Variants in ADCY1 observed in about 807,000 individuals in gnomAD.
ADCY1 encodes the protein adenylate cyclase 1, also known as adenylate cyclase type 1.
ADCY1 carries 28 observed loss-of-function variants against 105.4 expected under a neutral mutation model. The observed-to-expected ratio is 0.27, with a 90% CI of 0.20 to 0.36. The LOEUF (loss-of-function observed/expected upper bound fraction) is 0.36, where lower values mean the gene tolerates loss of function less well. ADCY1 is among the 10% of genes least tolerant of loss of function. ADCY1 has a pLI of 1.00. For missense variants in ADCY1, 977 were observed against 1,434.2 expected, an observed-to-expected ratio of 0.68 and a Z score of 5.15; for synonymous variants, 655 against 623.8, an observed-to-expected ratio of 1.05 and a Z score of -0.75.
chr7:45,652,621 C>T (rs78923822), intron 5 of ADCY1, among the ~76,000 whole-genome samples: 3,611 of 152,330 alleles, frequency 0.024, 76 homozygotes, highest in South Asian at 0.061. Flanking sequence ...AGGCCTCCCA[C>T]GCCTAGCATC....
At chr7:45,707,526 AG>A (rs1785144722) in intron 17 of ADCY1, among the ~76,000 whole-genome samples, 2 of 152,218 alleles carry the variant, frequency 1.3e-5, no homozygotes, top group Admixed American at 1.3e-4. Context: ...GTTGGGGGAA[AG>A]GTGGAATGAA....
chr7:45,709,340 C>T (rs796793487), intron 18 of ADCY1, among the ~76,000 whole-genome samples: 8 of 152,320 alleles, frequency 5.3e-5, no homozygotes, highest in African/African-American at 1.9e-4. Context: ...AATGACAAGA[C>T]CAGCTGGCAA....
chr7:45,679,647 C>T, intron 10 of ADCY1, 62 bp from the exon 11 acceptor site: 4 of 1,561,288 alleles, frequency 2.6e-6, no homozygotes, highest in Non-Finnish European at 3.5e-6. Flanking sequence ...TCTCAGCCAT[C>T]TCTTGGGTCC....
At chr7:45,653,481 C>G (rs545714904) in intron 5 of ADCY1, among the ~76,000 whole-genome samples, 1 of 152,350 alleles carries the variant, frequency 6.6e-6, no homozygotes, top group African/African-American at 2.4e-5. Context: ...CACATCAGTC[C>G]CTGTGTCAAT....
Position 45,574,759 on chromosome 7 carries a change from G to C in ADCY1, c.216G>C (p.Ala72=). 7.0e-7 allele frequency: 1 copy of C among 1,433,562 alleles called. No homozygotes were observed. Among genetic ancestry groups the C allele is most frequent in the East Asian group, 2.9e-5 (1 of 34,156 alleles). The allele number at this position is 1,433,562 out of a possible 1,614,324, so 88.8% of individuals were successfully genotyped here. A position where few individuals can be genotyped will look rare whatever the true frequency, so the allele number is the denominator to read the frequency against. ...CGCTGGCCGTTCTCAGCCTGCTGGC[G>C]GGCGCGCTGGCGCTGGCCGAGCTGC... ...LKALAVLSLL[A]GALALAELLG... The change falls in exon 1 of 20, where the codon GCG becomes GCC. Residue 72 remains alanine (A), a synonymous_variant. Transcript: ENST00000297323. The surrounding 1 kb of genome is among the most constrained non-coding windows in gnomAD (Gnocchi z 7.0).
intron 9 of ADCY1, 50 bp downstream of exon 9, chr7:45,678,113 G>C (rs960343024): frequency 6.2e-7 from 1 of 1,613,618 alleles, no homozygotes; most frequent in African/African-American, 1.3e-5. Flanking sequence ...CGAAGGCGCT[G>C]CCTGGCTGGA....
At chr7:45,651,317 G>C (rs1348285518) in intron 5 of ADCY1, among the ~76,000 whole-genome samples, 1 of 152,162 alleles carries the variant, frequency 6.6e-6, no homozygotes, top group African/African-American at 2.4e-5. Context: ...CCGGCCTTCT[G>C]TTGGGACCAT....
chr7:45,710,738 C>A lies in ADCY1; in HGVS notation c.3057+86C>A, dbSNP rs545983929. 36 of 1,491,690 alleles carry A rather than the reference C, an allele frequency of 2.4e-5. 1 individual carries two copies. In the Middle Eastern group the frequency reaches 8.9e-4, roughly 37 times the overall value. 92.4% of individuals were successfully genotyped at this position (1,491,690 alleles called of 1,614,324 possible). ...GCACAGGGGGCCAGAATTGAATCCC[C>A]AGTCTACAGCCCGTAAGTGGCAGGG... On this transcript the variant is annotated intron_variant, in intron 19 of 19. Coordinates refer to ENST00000297323, the MANE Select transcript of ADCY1 (RefSeq NM_021116.4). The surrounding 1 kb of genome is among the most constrained non-coding windows in gnomAD (Gnocchi z 4.7).
intron 1 of ADCY1, among the ~76,000 whole-genome samples, chr7:45,587,798 G>A (rs1792777061): frequency 1.3e-5 from 2 of 152,136 alleles, no homozygotes; most frequent in Admixed American, 6.5e-5. Flanking sequence ...GGCCTCAGAG[G>A]ACATGCCCTC....
chr7:45,614,042 CA>C (rs1793663971), intron 3 of ADCY1, among the ~76,000 whole-genome samples: 1 of 152,002 alleles, frequency 6.6e-6, no homozygotes, highest in Admixed American at 6.6e-5. Context: ...TGAAAGGATG[CA>C]AAACAACAAC....
intron 1 of ADCY1, among the ~76,000 whole-genome samples, chr7:45,584,147 G>A (rs1011552473): frequency 6.6e-6 from 1 of 151,922 alleles, no homozygotes; most frequent in African/African-American, 2.4e-5. Flanking sequence ...GTGTCAGTAT[G>A]TTTCCCAGGC....
At chr7:45,617,668 A>G (rs1251661643) in intron 3 of ADCY1, among the ~76,000 whole-genome samples, 3 of 152,254 alleles carry the variant, frequency 2.0e-5, no homozygotes, top group Non-Finnish European at 1.5e-5. Context: ...CAAAAAATAA[A>G]TTTAACCAAG....
At chr7:45,637,379 G>T (rs2116007056) in intron 4 of ADCY1, among the ~76,000 whole-genome samples, 1 of 152,238 alleles carries the variant, frequency 6.6e-6, no homozygotes, top group East Asian at 1.9e-4. Context: ...TATTTCCTTT[G>T]CTTTTCATTC....
At chr7:45,641,736 C>G (rs1359269120) in intron 4 of ADCY1, among the ~76,000 whole-genome samples, 1 of 148,230 alleles carries the variant, frequency 6.7e-6, no homozygotes, top group East Asian at 2.0e-4. Flanking sequence ...ACCATCCTGG[C>G]CAACAAGGTG....
chr7:45,619,012 G>A (rs1793817235), intron 3 of ADCY1, among the ~76,000 whole-genome samples: 2 of 152,164 alleles, frequency 1.3e-5, no homozygotes, highest in East Asian at 3.8e-4. Context: ...ATATTTACAG[G>A]ATGGAATACT....
intron 5 of ADCY1, among the ~76,000 whole-genome samples, chr7:45,655,755 A>C (rs1455147782): frequency 6.6e-6 from 1 of 152,132 alleles, no homozygotes; most frequent in Non-Finnish European, 1.5e-5. Context: ...GGTGAGCTCG[A>C]GGGGATCTGG....
rs1785440242 is a variant in ADCY1, at chr7:45,720,033, A to C, written c.*6038A>C. The C allele has an allele frequency of 6.6e-6, 1 of 151,942 alleles. No individual in the cohort carries two copies. Among genetic ancestry groups the C allele is most frequent in the African/African-American group, 2.4e-5 (1 of 41,316 alleles). The allele number at this position is 151,942 out of a possible 1,614,324, so 9.4% of individuals were successfully genotyped here. A position where few individuals can be genotyped will look rare whatever the true frequency, so the allele number is the denominator to read the frequency against. On this transcript the variant is annotated 3_prime_UTR_variant, in exon 20 of 20. Transcript: ENST00000297323. ...CTGTAGAGAGAGCCTCAGGGCGGTG[A>C]CCGCTGCAGGAATTCGGCCCTCCAG...
Position 45,685,072 on chromosome 7 carries a change from A to G in ADCY1, c.2073+4A>G. ...CTCAGTAGCCCAAGGTTGTGTGGTG[A>G]GCATCTCCAGCTTGTGGCATGCGCT... On this transcript the variant is annotated splice_donor_region_variant and intron_variant, in intron 12 of 19. Transcript: ENST00000297323. 6.2e-7 allele frequency: 1 copy of G among 1,612,624 alleles called. No individual in the cohort carries two copies. Among genetic ancestry groups the G allele is most frequent in the Non-Finnish European group, 8.5e-7 (1 of 1,178,596 alleles).
At position 45,710,425 on chromosome 7, in the gene ADCY1, G is replaced by A. The variant is rs1785203380; in HGVS notation, c.2933-103G>A. 3 of 1,512,248 alleles carry A rather than the reference G, an allele frequency of 2.0e-6. No individual in the cohort carries two copies. The highest frequency in any genetic ancestry group is 2.8e-5 in the African/African-American group (2 of 72,020). 93.7% of individuals were successfully genotyped at this position (1,512,248 alleles called of 1,614,324 possible). Reference sequence around the variant, plus strand: ...AGGAAACAAAGCCCTGAAAGGAGCAGCCTTTTCTCCACCAGGAGCAGCATC... The same window carrying A: ...AGGAAACAAAGCCCTGAAAGGAGCAACCTTTTCTCCACCAGGAGCAGCATC... On this transcript the variant is annotated intron_variant, in intron 18 of 19. Coordinates refer to ENST00000297323, the MANE Select transcript of ADCY1 (RefSeq NM_021116.4). The surrounding 1 kb of genome is among the most constrained non-coding windows in gnomAD (Gnocchi z 4.7).
Sources: gnomAD v4.1 joint callset for allele counts (sites outside exome capture counted in the v4.1 genomes callset) on GRCh38, gnomAD v4.1.1 for gene constraint, Gnocchi (gnomAD v3.1) non-coding constraint, MANE v1.5 for transcripts, NCBI Gene and HGNC (gene_info 2026-07-23, HGNC 2026-07-21) for gene names.